The following SLC24A2 variants were observed in gnomAD, a reference collection of about 807,000 sequenced individuals.
SLC24A2 encodes the protein sodium/potassium/calcium exchanger 2.
A neutral mutation model predicts 62.0 loss-of-function variants in SLC24A2; 36 were observed. The observed-to-expected ratio is 0.58, with a 90% CI of 0.44 to 0.77. The LOEUF is 0.77. Ranked by LOEUF, SLC24A2 falls within the 30% of genes least tolerant of loss-of-function variation. SLC24A2 has a pLI of 0.00. For synonymous variants in SLC24A2, 358 were observed against 294.0 expected (o/e 1.22, Z -2.23); for missense variants, 846 against 817.9 (o/e 1.03, Z -0.42).
chr9:20,081,912 C>G, the SLC24A2 span, among the ~76,000 whole-genome samples: 10 of 152,274 alleles, frequency 6.6e-5, no homozygotes, highest in African/African-American at 2.4e-4. Flanking sequence ...ATTTCCTCCT[C>G]AGATGGATTG....
chr9:20,089,346 G>C, the SLC24A2 span, among the ~76,000 whole-genome samples: 11 of 152,106 alleles, frequency 7.2e-5, no homozygotes, highest in Non-Finnish European at 1.3e-4. Flanking sequence ...CTCTGCCTCT[G>C]TCTGATCACC....
At chr9:20,146,110 AT>A in the SLC24A2 span, among the ~76,000 whole-genome samples, 1 of 152,120 alleles carries the variant, frequency 6.6e-6, no homozygotes, top group Admixed American at 6.6e-5. Context: ...TTGTGAATAT[AT>A]TTTTTCACTG....
chr9:20,258,813 T>TATC, the SLC24A2 span, among the ~76,000 whole-genome samples: 13 of 116,792 alleles, frequency 1.1e-4, no homozygotes, highest in African/African-American at 3.9e-4. Context: ...TCTATCTATC[T>TATC]ACCTTATCTA....
the SLC24A2 span, among the ~76,000 whole-genome samples, chr9:19,797,463 A>C: frequency 2.0e-4 from 30 of 152,332 alleles, no homozygotes; most frequent in South Asian, 2.5e-3. Context: ...ATCAGGCATT[A>C]AAATGCTAAT....
chr9:20,082,116 G>C, the SLC24A2 span, among the ~76,000 whole-genome samples: 1 of 152,292 alleles, frequency 6.6e-6, no homozygotes, highest in East Asian at 1.9e-4. Flanking sequence ...GCATGAGGTA[G>C]CTTAAGTCTC....
At chr9:20,161,245 A>G in the SLC24A2 span, among the ~76,000 whole-genome samples, 5 of 151,564 alleles carry the variant, frequency 3.3e-5, no homozygotes, top group African/African-American at 1.2e-4. Context: ...AATTATCAAT[A>G]AGCTATCTCA....
At chr9:19,759,358 T>A (rs1822242921) in intron 2 of SLC24A2, among the ~76,000 whole-genome samples, 1 of 152,204 alleles carries the variant, frequency 6.6e-6, no homozygotes, top group Non-Finnish European at 1.5e-5. Flanking sequence ...AACCATTTAA[T>A]AATGAGATTG....
At chr9:20,228,188 A>G in the SLC24A2 span, among the ~76,000 whole-genome samples, 4 of 152,162 alleles carry the variant, frequency 2.6e-5, no homozygotes, top group African/African-American at 9.7e-5. Flanking sequence ...ACAGGATTTG[A>G]GAATGGAATT....
At chr9:19,971,737 C>G in the SLC24A2 span, among the ~76,000 whole-genome samples, 2 of 152,230 alleles carry the variant, frequency 1.3e-5, no homozygotes, top group East Asian at 1.9e-4. Context: ...GAAGGACCCA[C>G]GAGGTTCCAT....
chr9:19,642,671 CTTTTTTT>C (rs71335440), intron 2 of SLC24A2, among the ~76,000 whole-genome samples: 1 of 79,850 alleles, frequency 1.3e-5, no homozygotes, highest in Non-Finnish European at 2.5e-5. Context: ...AGAGCGTATT[CTTTTTTT>C]TTTTTTTTTT....
chr9:19,778,087 A>T (rs1822899040), intron 2 of SLC24A2, among the ~76,000 whole-genome samples: 1 of 152,198 alleles, frequency 6.6e-6, no homozygotes, highest in African/African-American at 2.4e-5. Flanking sequence ...ATTCCATAAC[A>T]GTGTCACTTG....
chr9:20,041,286 C>A, the SLC24A2 span, among the ~76,000 whole-genome samples: 2 of 152,262 alleles, frequency 1.3e-5, no homozygotes, highest in African/African-American at 2.4e-5. Flanking sequence ...AATCTATGCA[C>A]ATGCAAAATA....
At chr9:20,178,094 T>A in the SLC24A2 span, among the ~76,000 whole-genome samples, 3 of 152,168 alleles carry the variant, frequency 2.0e-5, no homozygotes, top group African/African-American at 4.8e-5. Flanking sequence ...TTCAGTTTGT[T>A]CCTTTAATAT....
the SLC24A2 span, among the ~76,000 whole-genome samples, chr9:19,890,364 G>A: frequency 6.6e-6 from 1 of 152,206 alleles, no homozygotes; most frequent in Non-Finnish European, 1.5e-5. Flanking sequence ...GACCACTGGA[G>A]GCTATTTTAG....
chr9:19,928,275 TTA>T, the SLC24A2 span: 3 of 152,388 alleles, frequency 2.0e-5, no homozygotes, highest in East Asian at 1.9e-4. Context: ...GCTAAAAACC[TTA>T]TCTTTTAAAA....
chr9:19,768,734 AGACTGTGGTT>A (rs536418273), intron 2 of SLC24A2, among the ~76,000 whole-genome samples: 1 of 152,198 alleles, frequency 6.6e-6, no homozygotes, highest in East Asian at 1.9e-4. Context: ...TAACATTTTC[AGACTGTGGTT>A]GACTGTGGTT....
chr9:19,528,742 A>C (rs2132661718), intron 8 of SLC24A2, among the ~76,000 whole-genome samples: 1 of 152,310 alleles, frequency 6.6e-6, no homozygotes, highest in South Asian at 2.1e-4. Flanking sequence ...TCTCCAGGAC[A>C]CTGGAACCAC....
the SLC24A2 span, among the ~76,000 whole-genome samples, chr9:20,154,583 G>T: frequency 6.6e-6 from 1 of 151,536 alleles, no homozygotes; most frequent in Non-Finnish European, 1.5e-5. Flanking sequence ...TATCAGTCAG[G>T]TAACATTACG....
At chr9:19,773,440 T>C (rs1182125155) in intron 2 of SLC24A2, among the ~76,000 whole-genome samples, 3 of 152,210 alleles carry the variant, frequency 2.0e-5, no homozygotes, top group Non-Finnish European at 4.4e-5. Context: ...ATGCCTTACC[T>C]ACCCTGATGC....
Sources: gnomAD v4.1 joint callset for allele counts (sites outside exome capture counted in the v4.1 genomes callset) on GRCh38, gnomAD v4.1.1 for gene constraint, MANE v1.5 for transcripts, NCBI Gene and HGNC (gene_info 2026-07-23, HGNC 2026-07-21) for gene names.